The following PUM2 variants were observed in gnomAD, a reference collection of about 807,000 sequenced individuals.
The protein encoded by PUM2 is pumilio RNA binding family member 2.
Under a neutral mutation model 124.5 loss-of-function variants are expected in PUM2, and 57 were observed. The observed-to-expected ratio is 0.46, with a 90% CI of 0.37 to 0.57. The LOEUF is 0.57. PUM2 is among the 20% of genes least tolerant of loss of function. The probability of loss-of-function intolerance (pLI) is 0.00; values close to 1 mark genes in which losing one functional copy is unlikely to be tolerated. For missense variants in PUM2, 1,065 were observed against 1,290.6 expected (o/e 0.83, Z 2.68); for synonymous variants, 460 against 446.1 (o/e 1.03, Z -0.39).
intron 9 of PUM2, among the ~76,000 whole-genome samples, chr2:20,291,258 G>A (rs1015715729): frequency 2.6e-5 from 4 of 152,152 alleles, no homozygotes; most frequent in African/African-American, 9.7e-5. Context: ...AGAATGAATG[G>A]TAAACTCATG....
At position 20,318,520 on chromosome 2, in the gene PUM2, A is replaced by G. The variant is rs756475937; in HGVS notation, c.160+17T>C. The G allele has an allele frequency of 5.7e-6, 9 of 1,571,418 alleles. No individual in the cohort carries two copies. In the East Asian group the frequency reaches 2.0e-4, roughly 35 times the overall value. On this transcript the variant is annotated intron_variant, in intron 3 of 20. Coordinates refer to ENST00000361078, the MANE Select transcript of PUM2 (RefSeq NM_015317.5). ...CTAAATATATTCACAATTCTCACACATATACCAGTAACTTACGAGAAGCTC... is the reference window on the plus strand; with the variant it reads ...CTAAATATATTCACAATTCTCACACGTATACCAGTAACTTACGAGAAGCTC...
chr2:20,345,301 G>C (rs1484190069), intron 1 of PUM2, among the ~76,000 whole-genome samples: 1 of 151,828 alleles, frequency 6.6e-6, no homozygotes, highest in African/African-American at 2.4e-5. Context: ...TTAGAGACAA[G>C]GTCTCCCTAT....
upstream of PUM2, among the ~76,000 whole-genome samples, chr2:20,351,557 A>T (rs1689343205): frequency 6.6e-6 from 1 of 152,156 alleles, no homozygotes; most frequent in South Asian, 2.1e-4. Context: ...TCGCGTACTA[A>T]GCGCTCTCTC....
At chr2:20,318,685 T>A (rs757897283) in intron 2 of PUM2, 40 bp from the exon 3 acceptor site, 1 of 1,381,686 alleles carries the variant, frequency 7.2e-7, no homozygotes, top group Non-Finnish European at 1.0e-6. Context: ...TTATTCTAAT[T>A]ACAAAGAATT....
At chr2:20,298,114 T>C (rs1014551084) in intron 7 of PUM2, among the ~76,000 whole-genome samples, 1 of 152,194 alleles carries the variant, frequency 6.6e-6, no homozygotes, top group Non-Finnish European at 1.5e-5. Flanking sequence ...GGCAGGAATA[T>C]ACAATTTGCC....
intron 8 of PUM2, among the ~76,000 whole-genome samples, chr2:20,297,288 T>C (rs1247708017): frequency 2.0e-5 from 3 of 152,230 alleles, no homozygotes; most frequent in Non-Finnish European, 4.4e-5. Context: ...TGGAGATTCA[T>C]GGTTGACTAT....
intron 1 of PUM2, among the ~76,000 whole-genome samples, chr2:20,330,090 AC>A (rs954823257): frequency 6.6e-5 from 10 of 152,176 alleles, no homozygotes; most frequent in African/African-American, 2.2e-4. Context: ...AGAAAAAAAA[AC>A]AACATATTAC....
At chr2:20,254,298 C>T (rs991778695) in intron 19 of PUM2, among the ~76,000 whole-genome samples, 1 of 152,052 alleles carries the variant, frequency 6.6e-6, no homozygotes, top group African/African-American at 2.4e-5. Flanking sequence ...ATAGCTGAGA[C>T]TACAGGCATG....
chr2:20,267,084 G>GCAAT (rs919855798), intron 13 of PUM2, among the ~76,000 whole-genome samples: 9 of 150,560 alleles, frequency 6.0e-5, no homozygotes, highest in African/African-American at 1.7e-4. Context: ...GTGCAGTGAT[G>GCAAT]CAATCTTGGC....
chr2:20,281,471 GCT>G (rs1054994431), intron 12 of PUM2, among the ~76,000 whole-genome samples: 2 of 152,100 alleles, frequency 1.3e-5, no homozygotes, highest in Non-Finnish European at 2.9e-5. Flanking sequence ...TTTAATCAAT[GCT>G]CTCTTTTTTC....
At position 20,314,128 on chromosome 2, in the gene PUM2, A is replaced by G. The variant is rs149770274; in HGVS notation, c.161-1705T>C. Among the ~76,000 whole-genome samples, 131 of 152,254 alleles carry G rather than the reference A, an allele frequency of 8.6e-4. 1 individual carries two copies. Among genetic ancestry groups the G allele is most frequent in the African/African-American group, 3.0e-3 (124 of 41,552 alleles). ...GCCACTGCACTCCAGCCTGGGTGACATGAGACCCTGCTCCCCACTGCAAAT... is the reference window on the plus strand; with the variant it reads ...GCCACTGCACTCCAGCCTGGGTGACGTGAGACCCTGCTCCCCACTGCAAAT... On this transcript the variant is annotated intron_variant, in intron 3 of 20. Transcript: ENST00000361078.
intron 19 of PUM2, 130 bp downstream of exon 19, chr2:20,254,733 G>T: frequency 2.1e-6 from 2 of 964,172 alleles, no homozygotes; most frequent in Non-Finnish European, 3.0e-6. Flanking sequence ...TGTTCTATAG[G>T]TGCATTTTAA....
chr2:20,278,980 A>C (rs1449022464), intron 12 of PUM2, among the ~76,000 whole-genome samples, 161 bp from the exon 13 acceptor site: 5 of 152,200 alleles, frequency 3.3e-5, no homozygotes, highest in African/African-American at 1.2e-4. Context: ...CTAACTTATT[A>C]ATCATAAAAG....
Position 20,277,983 on chromosome 2 carries a change from T to C in PUM2, c.1957+600A>G, listed in dbSNP as rs1245593978. Reference sequence around the variant, plus strand: ...TTTGGGGGTGGGAACAATTTTAATATACAAATATAAACAAAGTTCTCAATG... The same window carrying C: ...TTTGGGGGTGGGAACAATTTTAATACACAAATATAAACAAAGTTCTCAATG... On this transcript the variant is annotated intron_variant, in intron 13 of 20. Coordinates refer to ENST00000361078, the MANE Select transcript of PUM2 (RefSeq NM_015317.5). Among the ~76,000 whole-genome samples, 3 of 152,078 alleles carry C rather than the reference T, an allele frequency of 2.0e-5. No homozygotes were observed. In the East Asian group the frequency reaches 5.8e-4, roughly 29 times the overall value.
chr2:20,297,717 A>G (rs1044392661), intron 7 of PUM2, 39 bp from the exon 8 acceptor site: 2 of 1,592,260 alleles, frequency 1.3e-6, no homozygotes, highest in Admixed American at 1.7e-5. Flanking sequence ...ACAACAATGT[A>G]AAGTATGATT....
chr2:20,271,643 T>C (rs569679463), intron 13 of PUM2, among the ~76,000 whole-genome samples: 4 of 152,276 alleles, frequency 2.6e-5, no homozygotes, highest in African/African-American at 9.6e-5. Context: ...TAATGAAATA[T>C]TTAAAAGACC....
rs1662665015 is a variant in PUM2 at position 20,249,071 on chromosome 2, A to T, written c.*2514T>A. ...TAGAGCAGGCCTGAAAGTATTGGGA[A>T]GATTGGGTTGTCAGCACTGGGACAA... On this transcript the variant is annotated 3_prime_UTR_variant, in exon 21 of 21. Transcript: ENST00000361078. 6.6e-6 allele frequency: 1 copy of T among 152,238 alleles called. No homozygotes were observed. The highest frequency in any genetic ancestry group is 6.5e-5 in the Admixed American group (1 of 15,288). The allele number at this position is 152,238 out of a possible 1,614,324, so 9.4% of individuals were successfully genotyped here. A position where few individuals can be genotyped will look rare whatever the true frequency, so the allele number is the denominator to read the frequency against.
At chr2:20,336,786 GTGTGTGTGTGTGTGT>G (rs1686202659) in intron 1 of PUM2, among the ~76,000 whole-genome samples, 2 of 141,932 alleles carry the variant, frequency 1.4e-5, no homozygotes, top group African/African-American at 5.4e-5. Context: ...GTGTGTGTGT[GTGTGTGTGTGTGTGT>G]GGTACAGACG....
chr2:20,337,060 A>G (rs1055226508), intron 1 of PUM2, among the ~76,000 whole-genome samples: 2 of 152,140 alleles, frequency 1.3e-5, no homozygotes, highest in African/African-American at 4.8e-5. Flanking sequence ...ACTAAGCTTC[A>G]ATTTGTCTAA....
Sources: allele counts gnomAD v4.1 joint callset (sites outside exome capture counted in the v4.1 genomes callset), GRCh38; gene constraint gnomAD v4.1.1; transcripts MANE v1.5; gene names NCBI Gene and HGNC (gene_info 2026-07-23, HGNC 2026-07-21).